The following SYNE3 variants were observed in gnomAD, a reference collection of about 807,000 sequenced individuals.
SYNE3 encodes the protein nesprin-3.
In SYNE3, 100 loss-of-function variants were observed where a neutral mutation model predicts 111.2. That is an observed-to-expected ratio of 0.90 (90% CI 0.77 to 1.06). SYNE3 has a LOEUF of 1.06. Among genes scored for constraint, SYNE3 ranks in the 50% least tolerant of loss-of-function variants. The pLI, the probability that SYNE3 is intolerant of heterozygous loss-of-function variation, is 0.00. For missense variants in SYNE3, 1,160 were observed against 1,240.3 expected, an observed-to-expected ratio of 0.94 and a Z score of 0.97; for synonymous variants, 547 against 533.9, an observed-to-expected ratio of 1.02 and a Z score of -0.34.
At chr14:95,472,350 C>T (rs999240204) in intron 2 of SYNE3, among the ~76,000 whole-genome samples, 14 of 152,196 alleles carry the variant, frequency 9.2e-5, no homozygotes, top group Admixed American at 9.2e-4. Flanking sequence ...GCACTCCAGC[C>T]TGGGCAACAG....
At chr14:95,443,380 C>A in intron 10 of SYNE3, 91 bp from the exon 11 acceptor site, 1 of 1,514,062 alleles carries the variant, frequency 6.6e-7, no homozygotes, top group South Asian at 1.3e-5. Context: ...AGTGGGAGAG[C>A]CTGGGAGGGG....
At chr14:95,421,048 T>C (rs905927845) in intron 17 of SYNE3, among the ~76,000 whole-genome samples, 2 of 152,186 alleles carry the variant, frequency 1.3e-5, no homozygotes, top group Admixed American at 1.3e-4. Flanking sequence ...TGGCTCCCAT[T>C]CTCTCTTGTC....
intron 1 of SYNE3, among the ~76,000 whole-genome samples, chr14:95,482,234 G>A (rs572540869): frequency 1.8e-4 from 27 of 152,340 alleles, no homozygotes; most frequent in Middle Eastern, 3.4e-3. Context: ...AGGAGTTTGA[G>A]ATCAGCCTGG....
intron 1 of SYNE3, among the ~76,000 whole-genome samples, chr14:95,493,709 G>T (rs74080384): frequency 6.6e-6 from 1 of 152,152 alleles, no homozygotes; most frequent in Non-Finnish European, 1.5e-5. Flanking sequence ...GAAGCCAGCC[G>T]CCACGGACAG....
intron 17 of SYNE3, among the ~76,000 whole-genome samples, chr14:95,430,696 TGCCTGTAA>T (rs1885709394): frequency 6.6e-6 from 1 of 152,082 alleles, no homozygotes; most frequent in Non-Finnish European, 1.5e-5. Context: ...TGGTAGCGCA[TGCCTGTAA>T]TCCCAGCTAC....
chr14:95,497,328 T>C (rs964193596), intron 1 of SYNE3, among the ~76,000 whole-genome samples: 1 of 152,242 alleles, frequency 6.6e-6, no homozygotes, highest in African/African-American at 2.4e-5. Flanking sequence ...CATAAACTTC[T>C]CACTGCAGAT....
rs1889525064 is a variant in SYNE3 at position 95,485,951 on chromosome 14, G to A, written c.-14-10116C>T. On this transcript the variant is annotated intron_variant, in intron 1 of 17. Coordinates refer to ENST00000682763, the MANE Select transcript of SYNE3 (RefSeq NM_152592.6). The surrounding 1 kb of genome is among the most constrained non-coding windows in gnomAD (Gnocchi z 4.3). ...TGGGACAAGGGTCAGGGGAGGGACA[G>A]AGGTGCAGACAGCAGCCTGCACTCA... Among the ~76,000 whole-genome samples, 1 of 152,164 alleles carries A rather than the reference G, an allele frequency of 6.6e-6. No individual in the cohort carries two copies. The highest frequency in any genetic ancestry group is 2.4e-5 in the African/African-American group (1 of 41,414).
chr14:95,515,891 G>A (rs1302601105), intron 1 of SYNE3, among the ~76,000 whole-genome samples: 2 of 152,194 alleles, frequency 1.3e-5, no homozygotes, highest in African/African-American at 4.8e-5. Context: ...ACTGCTCCCG[G>A]GTTGACCAAT....
At chr14:95,444,754 C>A (rs554681012) in intron 9 of SYNE3, 126 bp from the exon 10 acceptor site, 360 of 1,235,108 alleles carry the variant, frequency 2.9e-4, no homozygotes, top group Non-Finnish European at 3.6e-4. Context: ...GGCGCCACCC[C>A]CTCCAGGAAG....
intron 12 of SYNE3, 63 bp downstream of exon 12, chr14:95,439,851 G>A (rs1055009734): frequency 1.1e-5 from 17 of 1,591,574 alleles, no homozygotes; most frequent in Admixed American, 6.8e-5. Flanking sequence ...GCTCCTTGGT[G>A]TGGGAACGTT....
In SYNE3 at chr14:95,485,249, C is replaced by A. The variant is rs534296778; in HGVS notation, c.-14-9414G>T. The stretch of plus-strand genomic sequence containing the variant: ...AATGAAACTGCAAAGAACCCCTGCC[C>A]TTCTTGCCTCAACTGCATCAGTCAC... On this transcript the variant is annotated intron_variant, in intron 1 of 17. Coordinates refer to ENST00000682763, the MANE Select transcript of SYNE3 (RefSeq NM_152592.6). This position sits in a 1 kb window ranked among gnomAD's most constrained non-coding sequence, Gnocchi z 4.3. Among the ~76,000 whole-genome samples the A allele has an allele frequency of 6.6e-6, 1 of 152,254 alleles. No individual in the cohort carries two copies. The highest frequency in any genetic ancestry group is 1.5e-5 in the Non-Finnish European group (1 of 68,000).
Position 95,455,735 on chromosome 14 carries a change from T to A in SYNE3, c.790-11A>T. ...ATCTTTGGCAATGTCCTGAAGAGGG[T>A]AGAGGGGTGAGGGAAAAACAGGCAG... On this transcript the variant is annotated splice_polypyrimidine_tract_variant and intron_variant, in intron 5 of 17. Transcript: ENST00000682763. The A allele has an allele frequency of 1.2e-6, 2 of 1,611,534 alleles. No individual in the cohort carries two copies. Among genetic ancestry groups the A allele is most frequent in the Non-Finnish European group, 1.7e-6 (2 of 1,178,556 alleles).
intron 17 of SYNE3, among the ~76,000 whole-genome samples, chr14:95,421,063 G>A (rs545222907): frequency 2.6e-5 from 4 of 152,254 alleles, no homozygotes; most frequent in South Asian, 4.2e-4. Flanking sequence ...CTTGTCTGCT[G>A]CCATGTAAGA....
chr14:95,438,170 T>G (rs1334286646), intron 14 of SYNE3: 3 of 152,252 alleles, frequency 2.0e-5, no homozygotes, highest in African/African-American at 7.2e-5. Flanking sequence ...CTCAAACTCC[T>G]GGGCTCAAGT....
At chr14:95,439,232 A>G in intron 13 of SYNE3, 70 bp from the exon 14 acceptor site, 1 of 1,600,220 alleles carries the variant, frequency 6.2e-7, no homozygotes, top group Non-Finnish European at 8.5e-7. Context: ...GGGAAAAGTA[A>G]TAGAATTGGG....
intron 11 of SYNE3, 77 bp from the exon 12 acceptor site, chr14:95,440,152 C>T (rs763785143): frequency 2.0e-6 from 3 of 1,496,100 alleles, no homozygotes; most frequent in Non-Finnish European, 2.7e-6. Context: ...CCCCACCCTG[C>T]AGGGCTCTCA....
rs57858021 is a variant in SYNE3, at chr14:95,501,484, G to A, written c.-15+15112C>T. ...CCTCCATGGGGCATCCAGGTGCCACGTGCAGCAGAGGAAACACTAAGCTGG... is the reference window on the plus strand; with the variant it reads ...CCTCCATGGGGCATCCAGGTGCCACATGCAGCAGAGGAAACACTAAGCTGG... On this transcript the variant is annotated intron_variant, in intron 1 of 17. Transcript: ENST00000682763. Among the ~76,000 whole-genome samples the A allele has an allele frequency of 3.1e-3, 471 of 152,308 alleles. 3 individuals carry two copies. Among genetic ancestry groups the A allele is most frequent in the African/African-American group, 0.011 (451 of 41,560 alleles).
intron 15 of SYNE3, among the ~76,000 whole-genome samples, chr14:95,434,001 T>C (rs1158792924): frequency 6.6e-6 from 1 of 152,034 alleles, no homozygotes; most frequent in East Asian, 1.9e-4. Flanking sequence ...CACAGGAATG[T>C]ATGCTGTACA....
At chr14:95,449,643 CGCTGCTCTCTCAGGAGT>C in intron 8 of SYNE3, 1 of 985,442 alleles carries the variant, frequency 1.0e-6, no homozygotes, top group Non-Finnish European at 1.2e-6. Flanking sequence ...GGCCTGAGAA[CGCTGCTCTCTCAGGAGT>C]GCTAATGCCT....
Sources: allele counts gnomAD v4.1 joint callset (sites outside exome capture counted in the v4.1 genomes callset), GRCh38; gene constraint gnomAD v4.1.1; non-coding constraint Gnocchi (gnomAD v3.1); transcripts MANE v1.5; gene names NCBI Gene and HGNC (gene_info 2026-07-23, HGNC 2026-07-21).